The following CYP11A1 variants were observed in gnomAD, a reference collection of about 807,000 sequenced individuals.
CYP11A1 encodes cytochrome P450 family 11 subfamily A member 1.
Under a neutral mutation model 51.9 loss-of-function variants are expected in CYP11A1, and 25 were observed. The ratio of observed to expected loss-of-function variants is 0.48; its 90% CI spans 0.35 to 0.67. CYP11A1 has a LOEUF of 0.67. Among genes scored for constraint, CYP11A1 ranks in the 30% least tolerant of loss-of-function variants. The pLI is 0.00. For missense variants in CYP11A1, 578 were observed against 680.9 expected (o/e 0.85, Z 1.68); for synonymous variants, 245 against 262.1 (o/e 0.93, Z 0.63).
intron 5 of CYP11A1, among the ~76,000 whole-genome samples, chr15:74,341,201 T>C (rs2060605645): frequency 6.6e-6 from 1 of 152,214 alleles, no homozygotes; most frequent in Non-Finnish European, 1.5e-5. Context: ...AGGTAACATA[T>C]GTAAACAGCT....
Position 74,343,664 on chromosome 15 carries a change from CGCCT to C in CYP11A1, c.829+121_829+124del, listed in dbSNP as rs1250393693. On this transcript the variant is annotated intron_variant, in intron 4 of 8. Transcript: ENST00000268053. ...GGTCCCAGGGCCTTCCTGACACCCACGCCTGCCCGCCACAGTGTGGGTTTCCTAC... is the reference window on the plus strand; with the variant it reads ...GGTCCCAGGGCCTTCCTGACACCCACGCCCGCCACAGTGTGGGTTTCCTAC... 7 of 872,026 alleles carry C rather than the reference CGCCT, an allele frequency of 8.0e-6. No individual in the cohort carries two copies. The Admixed American group carries it at 1.2e-4, about 15-fold the overall frequency. 54.0% of individuals were successfully genotyped at this position (872,026 alleles called of 1,614,324 possible).
chr15:74,342,468 T>G (rs1410438830), intron 5 of CYP11A1, among the ~76,000 whole-genome samples: 1 of 152,000 alleles, frequency 6.6e-6, no homozygotes, highest in Non-Finnish European at 1.5e-5. Context: ...CCTCTGGGCG[T>G]TGGGGGCACC....
intron 3 of CYP11A1, chr15:74,344,814 GAGA>G (rs1361905988): frequency 2.0e-5 from 12 of 589,170 alleles, no homozygotes; most frequent in African/African-American, 3.7e-5. Flanking sequence ...AATGCCAGAT[GAGA>G]GAGAATGCCA....
intron 1 of CYP11A1, among the ~76,000 whole-genome samples, chr15:74,359,124 T>G (rs1387154164): frequency 6.6e-6 from 1 of 152,230 alleles, no homozygotes; most frequent in African/African-American, 2.4e-5. Flanking sequence ...TTTCAGTTCA[T>G]ACAAAATTGC....
In CYP11A1 at chr15:74,356,174, C is replaced by T. The variant is rs2060678920; in HGVS notation, c.270-8119G>A. On this transcript the variant is annotated intron_variant, in intron 1 of 8. Coordinates refer to ENST00000268053, the MANE Select transcript of CYP11A1 (RefSeq NM_000781.3). Reference sequence around the variant, plus strand: ...TGAACTGCAGCGGCCAGGCATTCCTCCAGGACCACCTGCCCCAGGATCTTG... The same window carrying T: ...TGAACTGCAGCGGCCAGGCATTCCTTCAGGACCACCTGCCCCAGGATCTTG... 3 of 152,390 alleles carry T rather than the reference C, an allele frequency of 2.0e-5. No homozygotes were observed. In the South Asian group the frequency reaches 6.2e-4, roughly 32 times the overall value. The allele number at this position is 152,390 out of a possible 1,614,324, so 9.4% of individuals were successfully genotyped here. A position where few individuals can be genotyped will look rare whatever the true frequency, so the allele number is the denominator to read the frequency against.
chr15:74,345,211 GC>G lies in CYP11A1; in HGVS notation c.457del (p.Ala153ProfsTer2). 1 of 1,614,198 alleles carries G rather than the reference GC, an allele frequency of 6.2e-7. No homozygotes were observed. Among genetic ancestry groups the G allele is most frequent in the Non-Finnish European group, 8.5e-7 (1 of 1,180,032 alleles). On this transcript the variant is annotated frameshift_variant, in exon 3 of 9. Transcript: ENST00000268053. LOFTEE classifies it high-confidence loss of function. The surrounding 1 kb of genome is among the most constrained non-coding windows in gnomAD (Gnocchi z 4.3). ...TGGAGCCATCACCTCCTGGTTCAGG[GC>G]CACCCGGTCTTTCTTCCAGGCTGCC... is the stretch of plus-strand genomic sequence containing the variant. ...KSAAWKKDRV[A>X]LNQEVMAPEA...
Position 74,343,093 on chromosome 15 carries a change from CT to C in CYP11A1, c.873del (p.Gly292GlufsTer42), listed in dbSNP as rs2060615058. The C allele has an allele frequency of 6.2e-7, 1 of 1,613,898 alleles. No individual in the cohort carries two copies. Among genetic ancestry groups the C allele is most frequent in the African/African-American group, 1.3e-5 (1 of 74,926 alleles). On this transcript the variant is annotated frameshift_variant, in exon 5 of 9. Coordinates refer to ENST00000268053, the MANE Select transcript of CYP11A1 (RefSeq NM_000781.3). LOFTEE classifies it high-confidence loss of function. The stretch of plus-strand genomic sequence containing the variant: ...CCACGGTAATCGTGGTGAACACTTC[CT>C]TTCTGTCTCAATTCCCAGTAGAAGT... ...TQNFYWELRQKGSVHHDYRGI... is the reference protein window; with the variant it reads ...TQNFYWELRQXGSVHHDYRGI...
Position 74,365,596 on chromosome 15 carries a change from G to C in CYP11A1, c.269+1721C>G, listed in dbSNP as rs930779428. ...GAGAGTTTCAAAGGGAGTGGGATCT[G>C]GGGAAGGTTGAGGCCTCAGGCCTGG... On this transcript the variant is annotated intron_variant, in intron 1 of 8. Transcript: ENST00000268053. 8 of 815,082 alleles carry C rather than the reference G, an allele frequency of 9.8e-6. No homozygotes were observed. The Admixed American group carries it at 3.7e-4, about 38-fold the overall frequency. The allele number at this position is 815,082 out of a possible 1,614,324, so 50.5% of individuals were successfully genotyped here.
chr15:74,352,016 G>A (rs1209326240), intron 1 of CYP11A1, among the ~76,000 whole-genome samples: 2 of 152,108 alleles, frequency 1.3e-5, no homozygotes, highest in Non-Finnish European at 2.9e-5. Flanking sequence ...TTATGTGTGT[G>A]TATACATGTC....
chr15:74,360,426 G>A (rs562504797), intron 1 of CYP11A1, among the ~76,000 whole-genome samples: 8 of 151,864 alleles, frequency 5.3e-5, no homozygotes, highest in African/African-American at 9.7e-5. Flanking sequence ...AATTACAGAC[G>A]CCCGCCACCA....
intron 1 of CYP11A1, among the ~76,000 whole-genome samples, chr15:74,349,826 T>C (rs1349685232): frequency 6.6e-6 from 1 of 152,132 alleles, no homozygotes; most frequent in East Asian, 1.9e-4. Context: ...ACACCTGTAA[T>C]CCCAGTACTT....
intron 6 of CYP11A1, 129 bp downstream of exon 6, chr15:74,339,458 C>T (rs1206638631): frequency 4.9e-6 from 7 of 1,438,828 alleles, no homozygotes; most frequent in Non-Finnish European, 5.8e-6. Flanking sequence ...ATTTCTTTCT[C>T]CTCCAGACTT....
chr15:74,363,992 A>G (rs1479654470), intron 1 of CYP11A1: 1 of 152,270 alleles, frequency 6.6e-6, no homozygotes, highest in Non-Finnish European at 1.5e-5. Flanking sequence ...GATTCTAGAA[A>G]AGACTAGGTT....
intron 1 of CYP11A1, chr15:74,350,106 G>C (rs2060649141): frequency 2.6e-6 from 1 of 381,578 alleles, no homozygotes; most frequent in Admixed American, 4.0e-5. Context: ...AAAAAGGAAA[G>C]AATTCCTTGA....
intron 1 of CYP11A1, among the ~76,000 whole-genome samples, chr15:74,356,065 A>G (rs2060678091): frequency 6.6e-6 from 1 of 152,238 alleles, no homozygotes; most frequent in Admixed American, 6.5e-5. Context: ...CCAGACAGCA[A>G]CACATTTCTG....
intron 1 of CYP11A1, among the ~76,000 whole-genome samples, chr15:74,348,855 G>A (rs1047902759): frequency 3.9e-5 from 6 of 151,982 alleles, no homozygotes; most frequent in South Asian, 2.1e-4. Flanking sequence ...ACCTCAGCCC[G>A]GCCAAGTACC....
At chr15:74,340,972 G>A (rs1173451806) in intron 5 of CYP11A1, among the ~76,000 whole-genome samples, 2 of 152,196 alleles carry the variant, frequency 1.3e-5, no homozygotes, top group Non-Finnish European at 2.9e-5. Context: ...AAGGAAGGAT[G>A]TGCTCCCTCT....
chr15:74,351,589 A>C (rs902201888), intron 1 of CYP11A1, among the ~76,000 whole-genome samples: 12 of 152,182 alleles, frequency 7.9e-5, no homozygotes, highest in Non-Finnish European at 1.8e-4. Context: ...TGGGACCCTA[A>C]GATTGGACCC....
At chr15:74,359,183 A>G (rs1322232237) in intron 1 of CYP11A1, among the ~76,000 whole-genome samples, 1 of 151,962 alleles carries the variant, frequency 6.6e-6, no homozygotes, top group Non-Finnish European at 1.5e-5. Flanking sequence ...CCTTTTAACA[A>G]CCCCACAATA....
Sources: allele counts gnomAD v4.1 joint callset (sites outside exome capture counted in the v4.1 genomes callset), GRCh38; gene constraint gnomAD v4.1.1; non-coding constraint Gnocchi (gnomAD v3.1); transcripts MANE v1.5; gene names NCBI Gene and HGNC (gene_info 2026-07-23, HGNC 2026-07-21).